The following HS3ST5 variants were observed in gnomAD, a reference collection of about 807,000 sequenced individuals.
The protein encoded by HS3ST5 is heparan sulfate glucosamine 3-O-sulfotransferase 5.
In HS3ST5, 10 loss-of-function variants were observed where a neutral mutation model predicts 25.4. The ratio of observed to expected loss-of-function variants is 0.39; its 90% CI spans 0.24 to 0.67. HS3ST5 has a LOEUF of 0.67. HS3ST5 is among the 30% of genes least tolerant of loss of function. The probability of loss-of-function intolerance (pLI) is 0.44; values close to 1 mark genes in which losing one functional copy is unlikely to be tolerated. For missense variants in HS3ST5, 324 were observed against 420.7 expected, an observed-to-expected ratio of 0.77 and a Z score of 2.01; for synonymous variants, 170 against 162.4, an observed-to-expected ratio of 1.05 and a Z score of -0.36.
rs1772806917 is a variant in HS3ST5, at chr6:114,057,057, A to G, written c.*200T>C. 1.9e-6 allele frequency: 1 copy of G among 513,746 alleles called. No individual in the cohort carries two copies. The highest frequency in any genetic ancestry group is 3.4e-6 in the Non-Finnish European group (1 of 294,184). The allele number at this position is 513,746 out of a possible 1,614,324, so 31.8% of individuals were successfully genotyped here. ...TGTAAATAGCTTAAAAGATGCGACTATGCAGACAGCAATTTTTTTTTTTTC... is the reference window on the plus strand; with the variant it reads ...TGTAAATAGCTTAAAAGATGCGACTGTGCAGACAGCAATTTTTTTTTTTTC... On this transcript the variant is annotated 3_prime_UTR_variant, in exon 5 of 5. Transcript: ENST00000312719.
intron 1 of HS3ST5, among the ~76,000 whole-genome samples, chr6:114,302,847 A>G (rs1775136795): frequency 6.6e-6 from 1 of 152,198 alleles, no homozygotes; most frequent in Non-Finnish European, 1.5e-5. Flanking sequence ...AAAATGTTAC[A>G]AACTGAATAT....
At chr6:114,216,143 G>A (rs757303536) in intron 2 of HS3ST5, among the ~76,000 whole-genome samples, 4 of 152,156 alleles carry the variant, frequency 2.6e-5, no homozygotes, top group African/African-American at 9.7e-5. Flanking sequence ...GTCCCAGAGA[G>A]GTGTTTTGAC....
At chr6:114,210,838 T>G (rs1781484554) in intron 2 of HS3ST5, among the ~76,000 whole-genome samples, 1 of 152,182 alleles carries the variant, frequency 6.6e-6, no homozygotes, top group Admixed American at 6.5e-5. Flanking sequence ...TTCCACACTT[T>G]CCTCCCTCTT....
At chr6:114,155,652 G>A (rs1349094118) in intron 3 of HS3ST5, among the ~76,000 whole-genome samples, 1 of 152,200 alleles carries the variant, frequency 6.6e-6, no homozygotes. Flanking sequence ...AAGATGCAGA[G>A]TTCAAGAAGG....
intron 3 of HS3ST5, among the ~76,000 whole-genome samples, chr6:114,090,831 T>C (rs1775083370): frequency 6.6e-6 from 1 of 152,220 alleles, no homozygotes; most frequent in Non-Finnish European, 1.5e-5. Context: ...ACCTGGACGG[T>C]GACGTGAATT....
At chr6:114,139,138 A>C (rs1777778754) in intron 3 of HS3ST5, among the ~76,000 whole-genome samples, 1 of 152,116 alleles carries the variant, frequency 6.6e-6, no homozygotes, top group African/African-American at 2.4e-5. Flanking sequence ...TGTTGCCTTG[A>C]TCTTCTCCCC....
intron 1 of HS3ST5, among the ~76,000 whole-genome samples, chr6:114,261,120 G>A (rs1392189913): frequency 6.6e-6 from 1 of 152,126 alleles, no homozygotes; most frequent in Non-Finnish European, 1.5e-5. Flanking sequence ...AAGATGAGGA[G>A]TGCGCAACAG....
chr6:114,266,110 C>T (rs1004718775), intron 1 of HS3ST5, among the ~76,000 whole-genome samples: 1 of 152,162 alleles, frequency 6.6e-6, no homozygotes, highest in Non-Finnish European at 1.5e-5. Flanking sequence ...TTAAGATTTG[C>T]TTCCTATATT....
intron 2 of HS3ST5, among the ~76,000 whole-genome samples, chr6:114,220,061 T>A (rs1248491580): frequency 3.9e-5 from 6 of 152,068 alleles, no homozygotes; most frequent in Non-Finnish European, 8.8e-5. Context: ...TACATATTTT[T>A]AAATTTTCTT....
intron 3 of HS3ST5, chr6:114,084,891 G>A (rs1194200115): frequency 1.9e-6 from 1 of 533,336 alleles, no homozygotes; most frequent in Non-Finnish European, 3.4e-6. Context: ...GAGTTCAGTG[G>A]TGTGATCTCG....
intron 1 of HS3ST5, among the ~76,000 whole-genome samples, chr6:114,286,028 C>T (rs1350395024): frequency 6.6e-6 from 1 of 151,484 alleles, no homozygotes; most frequent in African/African-American, 2.4e-5. Context: ...AAGATATATG[C>T]AAAAACTGTC....
At chr6:114,207,131 A>C (rs1426774749) in intron 2 of HS3ST5, among the ~76,000 whole-genome samples, 1 of 152,208 alleles carries the variant, frequency 6.6e-6, no homozygotes. Flanking sequence ...AGCCAAGTAA[A>C]TCACATTGCA....
chr6:114,160,101 A>G (rs1446302706), intron 3 of HS3ST5, among the ~76,000 whole-genome samples: 1 of 152,160 alleles, frequency 6.6e-6, no homozygotes, highest in Non-Finnish European at 1.5e-5. Context: ...AAAAGATTGC[A>G]TTTCTAGAAT....
At chr6:114,247,761 A>G (rs1772447420) in intron 1 of HS3ST5, among the ~76,000 whole-genome samples, 1 of 150,686 alleles carries the variant, frequency 6.6e-6, no homozygotes, top group Non-Finnish European at 1.5e-5. Context: ...TAATATCCAT[A>G]TTTTTTCTGT....
At position 114,123,891 on chromosome 6, in the gene HS3ST5, C is replaced by T. The variant is rs561277578; in HGVS notation, c.-33+44460G>A. Among the ~76,000 whole-genome samples, 32 of 152,240 alleles carry T rather than the reference C, an allele frequency of 2.1e-4. 1 individual carries two copies. The South Asian group carries it at 5.4e-3, about 26-fold the overall frequency. ...CCTGTGAACTTCTCAGGATGTACTA[C>T]GGAGGAGAATTCACTGTTGCTCCAT... is the stretch of plus-strand genomic sequence containing the variant. On this transcript the variant is annotated intron_variant, in intron 3 of 4. Transcript: ENST00000312719.
At chr6:114,084,833 C>CTG (rs760254201) in intron 3 of HS3ST5, 1 of 398,738 alleles carries the variant, frequency 2.5e-6, no homozygotes, top group African/African-American at 2.4e-5. Context: ...CTTTTCTTTT[C>CTG]TTTTTTTTTT....
At chr6:114,076,092 C>T (rs559295563) in intron 3 of HS3ST5, among the ~76,000 whole-genome samples, 278 of 152,300 alleles carry the variant, frequency 1.8e-3, no homozygotes, top group Middle Eastern at 0.01. Context: ...GTATCTCTAT[C>T]AAACAGGTAA....
intron 3 of HS3ST5, among the ~76,000 whole-genome samples, chr6:114,093,595 T>C (rs1029757120): frequency 3.9e-5 from 6 of 152,110 alleles, no homozygotes; most frequent in Admixed American, 1.3e-4. Flanking sequence ...GTTCATCTCA[T>C]CTTTCTCCTT....
At position 114,308,396 on chromosome 6, in the gene HS3ST5, T is replaced by C. The variant is rs568498344; in HGVS notation, c.-339+33799A>G. Among the ~76,000 whole-genome samples, 53 of 152,146 alleles carry C rather than the reference T, an allele frequency of 3.5e-4. 1 individual carries two copies. The highest frequency in any genetic ancestry group is 1.2e-4 in the Non-Finnish European group (8 of 67,976). Reference sequence around the variant, plus strand: ...GTCAGGAGATCGAGACCGTCATGGCTAACACAGTGAAACCCCGTCTCTACT... The same window carrying C: ...GTCAGGAGATCGAGACCGTCATGGCCAACACAGTGAAACCCCGTCTCTACT... On this transcript the variant is annotated intron_variant, in intron 1 of 4. Transcript: ENST00000312719.
Sources: gnomAD v4.1 joint callset for allele counts (sites outside exome capture counted in the v4.1 genomes callset) on GRCh38, gnomAD v4.1.1 for gene constraint, MANE v1.5 for transcripts, NCBI Gene and HGNC (gene_info 2026-07-23, HGNC 2026-07-21) for gene names.